The following CEP192 variants were observed in gnomAD, a reference collection of about 807,000 sequenced individuals.
CEP192 encodes centrosomal protein 192.
Under a neutral mutation model 271.8 loss-of-function variants are expected in CEP192, and 151 were observed. The ratio of observed to expected loss-of-function variants is 0.56; its 90% confidence interval spans 0.49 to 0.64. The LOEUF (loss-of-function observed/expected upper bound fraction) is 0.64, where lower values mean the gene tolerates loss of function less well. CEP192 is among the 30% of genes least tolerant of loss of function. The probability of loss-of-function intolerance (pLI) is 0.00; values close to 1 mark genes in which losing one functional copy is unlikely to be tolerated. For missense variants in CEP192, 2,910 were observed against 3,020.5 expected (o/e 0.96, Z 0.86); for synonymous variants, 995 against 1,076.5 (o/e 0.92, Z 1.48).
rs1181275547 is a variant in CEP192 at position 13,124,688 on chromosome 18, T to C, written c.7532T>C (p.Phe2511Ser). 2 of 1,614,076 alleles carry C rather than the reference T, an allele frequency of 1.2e-6. No homozygotes were observed. The highest frequency in any genetic ancestry group is 3.3e-5 in the Admixed American group (2 of 60,020). The change falls in exon 45 of 45, where the codon TTT becomes TCT. Residue 2511 changes from phenylalanine to serine, a missense_variant. Phe to Ser is a radical substitution (Grantham distance 155, BLOSUM62 -2). Coordinates refer to ENST00000506447, the MANE Select transcript of CEP192 (RefSeq NM_032142.4). ...TTCAAACCGAAGTCCGCAGGCAAAT[T>C]TGAAGCTTTGCTTGTCATTCAAACA... ...VQFKPKSAGK[F>S]EALLVIQTDE... is the part of the protein sequence containing the mutation.
intron 43 of CEP192, among the ~76,000 whole-genome samples, chr18:13,117,284 C>A (rs915568650): frequency 2.0e-5 from 3 of 152,080 alleles, no homozygotes; most frequent in African/African-American, 7.2e-5. Context: ...AAGTTTATAA[C>A]CCTTTACTTG....
intron 28 of CEP192, among the ~76,000 whole-genome samples, chr18:13,072,364 G>A (rs1415153907): frequency 6.6e-6 from 1 of 152,190 alleles, no homozygotes; most frequent in Non-Finnish European, 1.5e-5. Context: ...AGGACCCCTT[G>A]TTTCCCTGAA....
At chr18:13,111,438 A>T (rs1448987580) in intron 40 of CEP192, among the ~76,000 whole-genome samples, 1 of 152,110 alleles carries the variant, frequency 6.6e-6, no homozygotes, top group African/African-American at 2.4e-5. Context: ...GTTGACACCT[A>T]ATATTAACCA....
rs58195253 is a variant in CEP192 at position 13,107,883 on chromosome 18, C to CAA, written c.7047+2819_7047+2820dup. On this transcript the variant is annotated intron_variant, in intron 40 of 44. Transcript: ENST00000506447. ...CGATTAGAAATAAAGATAGTATCTC[C>CAA]AAAAAAAAAAAAAAAATACTATAAG... 7.7e-4 allele frequency among the ~76,000 whole-genome samples: 101 copies of CAA among 130,918 alleles called. No individual in the cohort carries two copies. The Middle Eastern group carries it at 0.016, about 20-fold the overall frequency. 85.9% of individuals were successfully genotyped at this position (130,918 alleles called of 152,430 possible).
chr18:13,058,251 G>C (rs908610148), intron 20 of CEP192: 1 of 152,274 alleles, frequency 6.6e-6, no homozygotes, highest in Non-Finnish European at 1.5e-5. Flanking sequence ...ATCAATTACA[G>C]TTGCTATAAT....
chr18:13,010,960 T>C (rs1166189184), intron 4 of CEP192, among the ~76,000 whole-genome samples: 1 of 151,512 alleles, frequency 6.6e-6, no homozygotes, highest in East Asian at 1.9e-4. Context: ...GGCACAATGG[T>C]TCATGCCTGT....
chr18:13,100,632 T>A (rs2039661383), intron 38 of CEP192, 120 bp downstream of exon 38: 1 of 694,248 alleles, frequency 1.4e-6, no homozygotes, highest in South Asian at 1.9e-5. Flanking sequence ...AGAAAAGTGG[T>A]CATTAGCAGT....
chr18:13,015,300 C>T lies in CEP192; in HGVS notation c.520-28C>T, dbSNP rs757134758. ...GCTCTTCAGAGCCCTGAATGTGCTT[C>T]TCTTACTTGCCATTTTGTTTCTTAT... is the stretch of plus-strand genomic sequence containing the variant. On this transcript the variant is annotated intron_variant, in intron 5 of 44. Coordinates refer to ENST00000506447, the MANE Select transcript of CEP192 (RefSeq NM_032142.4). The T allele has an allele frequency of 2.7e-5, 41 of 1,546,380 alleles. 1 individual carries two copies. In the Middle Eastern group the frequency reaches 5.1e-4, roughly 19 times the overall value.
intron 3 of CEP192, among the ~76,000 whole-genome samples, chr18:13,002,130 G>T (rs1039310729): frequency 6.6e-6 from 1 of 152,176 alleles, no homozygotes; most frequent in African/African-American, 2.4e-5. Flanking sequence ...TTATTTGGAA[G>T]ACAGTAAAGG....
At chr18:13,105,488 A>G (rs529790974) in intron 40 of CEP192, among the ~76,000 whole-genome samples, 1 of 152,336 alleles carries the variant, frequency 6.6e-6, no homozygotes, top group East Asian at 1.9e-4. Flanking sequence ...ATTCATTTCT[A>G]TACCTGACAT....
chr18:13,036,151 A>C (rs554890162), intron 11 of CEP192, among the ~76,000 whole-genome samples: 175 of 151,754 alleles, frequency 1.2e-3, no homozygotes, highest in African/African-American at 4.0e-3. Flanking sequence ...GTCTCAAAAA[A>C]AAAAAAAGTG....
chr18:13,070,926 A>AT (rs1340588854), intron 27 of CEP192, 113 bp from the exon 28 acceptor site: 2 of 784,014 alleles, frequency 2.6e-6, no homozygotes, highest in Non-Finnish European at 4.2e-6. Context: ...GGGTGGGAAT[A>AT]TCATTGTATC....
At chr18:12,992,774 C>G (rs990825631) in intron 1 of CEP192, among the ~76,000 whole-genome samples, 3 of 152,196 alleles carry the variant, frequency 2.0e-5, no homozygotes, top group African/African-American at 4.8e-5. Flanking sequence ...GCACTTAACA[C>G]TATCGTAGTT....
chr18:13,057,519 A>G, intron 19 of CEP192, 66 bp from the exon 20 acceptor site: 1 of 1,557,248 alleles, frequency 6.4e-7, no homozygotes, highest in Non-Finnish European at 8.8e-7. Context: ...GCCATTTAAC[A>G]GATTTGGCTT....
rs550026405 is a variant in CEP192, at chr18:13,049,238, A to G, written c.2447A>G (p.Glu816Gly). Residue 816 changes from glutamate to glycine, a missense_variant, in exon 16 of 45, where the codon GAA becomes GGA. Coordinates refer to ENST00000506447, the MANE Select transcript of CEP192 (RefSeq NM_032142.4). ...ACTTGGGATTTATCTTTGCCCAAAG[A>G]ACAAACTACTCAAGACATTCATCCG... ...SDTWDLSLPK[E>G]QTTQDIHPVD... is the part of the protein sequence containing the mutation. The G allele has an allele frequency of 6.2e-7, 1 of 1,614,164 alleles. No individual in the cohort carries two copies. The highest frequency in any genetic ancestry group is 8.5e-7 in the Non-Finnish European group (1 of 1,180,016).
intron 38 of CEP192, among the ~76,000 whole-genome samples, chr18:13,102,646 T>G (rs2144913683): frequency 6.6e-6 from 1 of 152,300 alleles, no homozygotes; most frequent in South Asian, 2.1e-4. Context: ...TCTTCCACTT[T>G]GGAGGACTTC....
intron 11 of CEP192, among the ~76,000 whole-genome samples, chr18:13,036,007 G>A (rs574207759): frequency 6.6e-5 from 10 of 152,076 alleles, no homozygotes; most frequent in African/African-American, 1.9e-4. Context: ...TTAGCTGAGG[G>A]TGGTGGCACA....
chr18:13,028,144 G>A (rs2035408289), intron 9 of CEP192, among the ~76,000 whole-genome samples: 1 of 152,098 alleles, frequency 6.6e-6, no homozygotes, highest in South Asian at 2.1e-4. Context: ...TGTAGCAGCA[G>A]CACTCACATC....
intron 30 of CEP192, among the ~76,000 whole-genome samples, chr18:13,080,999 T>C (rs2038574738): frequency 6.6e-6 from 1 of 152,218 alleles, no homozygotes; most frequent in Non-Finnish European, 1.5e-5. Context: ...AACTTGATCA[T>C]GGTGGATAAG....
Sources: allele counts gnomAD v4.1 joint callset (sites outside exome capture counted in the v4.1 genomes callset), GRCh38; gene constraint gnomAD v4.1.1; transcripts MANE v1.5; gene names NCBI Gene and HGNC (gene_info 2026-07-23, HGNC 2026-07-21).